The following EYA4 variants were observed in gnomAD, a reference collection of about 807,000 sequenced individuals.
The protein encoded by EYA4 is EYA transcriptional coactivator and phosphatase 4.
A neutral mutation model predicts 87.9 loss-of-function variants in EYA4; 31 were observed. The observed-to-expected ratio is 0.35, with a 90% CI of 0.27 to 0.48. EYA4 has a LOEUF of 0.48. Among genes scored for constraint, EYA4 ranks in the 20% least tolerant of loss-of-function variants. The pLI is 0.99. For synonymous variants in EYA4, 263 were observed against 270.6 expected (o/e 0.97, Z 0.28); for missense variants, 678 against 761.4 (o/e 0.89, Z 1.29).
At chr6:133,324,159 G>A (rs1163910115) in intron 2 of EYA4, among the ~76,000 whole-genome samples, 1 of 152,078 alleles carries the variant, frequency 6.6e-6, no homozygotes, top group East Asian at 1.9e-4. Flanking sequence ...CAGTCATTTT[G>A]TAGCTTCATA....
intron 2 of EYA4, among the ~76,000 whole-genome samples, chr6:133,297,924 G>T (rs1779065198): frequency 6.6e-6 from 1 of 152,234 alleles, no homozygotes; most frequent in African/African-American, 2.4e-5. Flanking sequence ...TTCACTCAGT[G>T]GTTTTAGCCT....
chr6:133,357,669 T>G (rs1457309285), intron 2 of EYA4, among the ~76,000 whole-genome samples: 1 of 152,092 alleles, frequency 6.6e-6, no homozygotes, highest in Non-Finnish European at 1.5e-5. Context: ...AGGAGCCCAT[T>G]ATCCAGAAAC....
At chr6:133,316,650 G>T (rs1329727568) in intron 2 of EYA4, among the ~76,000 whole-genome samples, 1 of 152,172 alleles carries the variant, frequency 6.6e-6, no homozygotes, top group Non-Finnish European at 1.5e-5. Flanking sequence ...ACTTGTACAT[G>T]GCTATTTATT....
chr6:133,502,076 T>A (rs1476412181), intron 13 of EYA4, among the ~76,000 whole-genome samples: 1 of 148,530 alleles, frequency 6.7e-6, no homozygotes, highest in African/African-American at 2.6e-5. Flanking sequence ...TCTCTCACTC[T>A]CTCTCTCTCT....
At chr6:133,460,446 T>G (rs973291626) in intron 6 of EYA4, among the ~76,000 whole-genome samples, 4 of 152,170 alleles carry the variant, frequency 2.6e-5, no homozygotes, top group African/African-American at 9.6e-5. Flanking sequence ...ACTTTCACCT[T>G]TAAGTTCTTC....
chr6:133,271,717 C>A (rs990822407), intron 1 of EYA4, among the ~76,000 whole-genome samples: 4 of 152,128 alleles, frequency 2.6e-5, no homozygotes, highest in Non-Finnish European at 5.9e-5. Context: ...TGTTGCTGAG[C>A]CCATGTGTAA....
intron 7 of EYA4, 58 bp downstream of exon 7, chr6:133,461,238 T>G (rs1794357661): frequency 9.3e-6 from 11 of 1,176,926 alleles, no homozygotes; most frequent in Non-Finnish European, 1.4e-5. Context: ...TATACATGTT[T>G]TATAGATGGT....
chr6:133,477,420 GTGA>G (rs1332323527), intron 11 of EYA4, among the ~76,000 whole-genome samples: 1 of 152,000 alleles, frequency 6.6e-6, no homozygotes, highest in Non-Finnish European at 1.5e-5. Context: ...CTTCTTTTGA[GTGA>G]TGATCATGCC....
intron 1 of EYA4, among the ~76,000 whole-genome samples, chr6:133,261,282 T>TA (rs995197820): frequency 6.6e-6 from 1 of 152,230 alleles, no homozygotes; most frequent in Non-Finnish European, 1.5e-5. Context: ...TTCTTTGTTT[T>TA]GGGGGTTTTA....
chr6:133,446,835 A>C, intron 4 of EYA4, 81 bp downstream of exon 4: 1 of 1,228,946 alleles, frequency 8.1e-7, no homozygotes, highest in Non-Finnish European at 1.2e-6. Flanking sequence ...CTGCTAATAA[A>C]TAAATATCTT....
At chr6:133,271,010 C>T (rs1167325537) in intron 1 of EYA4, among the ~76,000 whole-genome samples, 1 of 152,104 alleles carries the variant, frequency 6.6e-6, no homozygotes, top group Non-Finnish European at 1.5e-5. Context: ...GAACTAAGAC[C>T]TCTAGGCCAG....
chr6:133,462,650 A>G lies in EYA4; in HGVS notation c.610A>G (p.Thr204Ala), dbSNP rs750212279. ...DLGVMLPAIK[T>A]ESGLSQTQSP... ...GGGTGTGATGTTGCCAGCCATCAAG[A>G]CAGAGAGTGGACTTTCCCAAACTCA... The change falls in exon 9 of 20, where the codon ACA becomes GCA. Residue 204 changes from threonine to alanine, a missense_variant. Physicochemically the swap from Thr to Ala is moderately conservative, Grantham distance 58. Coordinates refer to ENST00000355286, the MANE Select transcript of EYA4 (RefSeq NM_004100.5). 1 of 1,613,926 alleles carries G rather than the reference A, an allele frequency of 6.2e-7. No homozygotes were observed.
At chr6:133,470,991 G>T (rs1795286028) in intron 11 of EYA4, among the ~76,000 whole-genome samples, 1 of 85,598 alleles carries the variant, frequency 1.2e-5, no homozygotes, top group Non-Finnish European at 2.4e-5. Flanking sequence ...GAGATTTTGG[G>T]CTGAGACGAT....
intron 13 of EYA4, among the ~76,000 whole-genome samples, chr6:133,503,919 A>C (rs1798361337): frequency 6.6e-6 from 1 of 151,946 alleles, no homozygotes; most frequent in African/African-American, 2.4e-5. Context: ...GGCACTTATT[A>C]ATATTTTTTT....
chr6:133,377,482 A>T (rs1285670191), intron 2 of EYA4, among the ~76,000 whole-genome samples: 1 of 151,588 alleles, frequency 6.6e-6, no homozygotes, highest in African/African-American at 2.4e-5. Context: ...TATCTCAGGC[A>T]TTCAGTAAAG....
Position 133,349,138 on chromosome 6 carries a change from G to A in EYA4, c.34-33254G>A, listed in dbSNP as rs1783441874. ...TATGTCTAAAACGTTCATCTCTTAA[G>A]TGTTTGTATAACTCACTCCCTCAGC... On this transcript the variant is annotated intron_variant, in intron 2 of 19. Coordinates refer to ENST00000355286, the MANE Select transcript of EYA4 (RefSeq NM_004100.5). Among the ~76,000 whole-genome samples, 2 of 152,294 alleles carry A rather than the reference G, an allele frequency of 1.3e-5. 1 individual carries two copies. Among genetic ancestry groups the A allele is most frequent in the Middle Eastern group, 6.8e-3 (2 of 294 alleles).
At chr6:133,467,390 T>C (rs1308690283) in intron 10 of EYA4, among the ~76,000 whole-genome samples, 1 of 152,076 alleles carries the variant, frequency 6.6e-6, no homozygotes, top group African/African-American at 2.4e-5. Context: ...AGTATAAGGA[T>C]TAAATGAGTA....
chr6:133,241,091 CG>C (rs1259861164), upstream of EYA4, among the ~76,000 whole-genome samples: 3 of 151,428 alleles, frequency 2.0e-5, no homozygotes, highest in African/African-American at 7.3e-5. Flanking sequence ...CGGCGCCACC[CG>C]GGACATCCAG....
At chr6:133,369,782 G>T (rs900293273) in intron 2 of EYA4, among the ~76,000 whole-genome samples, 1 of 152,174 alleles carries the variant, frequency 6.6e-6, no homozygotes, top group Non-Finnish European at 1.5e-5. Context: ...TTAATGCAGG[G>T]ATTTAATTCT....
Sources: allele counts gnomAD v4.1 joint callset (sites outside exome capture counted in the v4.1 genomes callset), GRCh38; gene constraint gnomAD v4.1.1; transcripts MANE v1.5; gene names NCBI Gene and HGNC (gene_info 2026-07-23, HGNC 2026-07-21).